Variants in SND1 observed in about 807,000 individuals in gnomAD.
SND1 encodes the protein staphylococcal nuclease domain-containing protein 1.
A neutral mutation model predicts 121.7 loss-of-function variants in SND1; 38 were observed. The ratio of observed to expected loss-of-function variants is 0.31; its 90% CI spans 0.24 to 0.41. SND1 has a LOEUF of 0.41. Among genes scored for constraint, SND1 ranks in the 10% least tolerant of loss-of-function variants. The pLI is 1.00. For synonymous variants in SND1, 401 were observed against 447.4 expected, an observed-to-expected ratio of 0.90 and a Z score of 1.31; for missense variants, 868 against 1,184.6, an observed-to-expected ratio of 0.73 and a Z score of 3.92.
At chr7:127,987,653 C>G (rs563619833) in intron 15 of SND1, among the ~76,000 whole-genome samples, 1 of 152,186 alleles carries the variant, frequency 6.6e-6, no homozygotes, top group Non-Finnish European at 1.5e-5. Flanking sequence ...AGGACCTGCC[C>G]CGTCCTTCCA....
At chr7:127,774,111 A>T (rs569432187) in intron 10 of SND1, among the ~76,000 whole-genome samples, 82 of 152,310 alleles carry the variant, frequency 5.4e-4, no homozygotes, top group African/African-American at 1.9e-3. Context: ...AAACAGCCTC[A>T]GGCAGTAGGT....
In SND1 at chr7:127,883,237, G is replaced by A. The variant is rs549354653; in HGVS notation, c.1344-4665G>A. ...GCCACTATAAGATAGTAGTGAAACC[G>A]TGGGGTCCAATATTATGCCAACATG... is the stretch of plus-strand genomic sequence containing the variant. On this transcript the variant is annotated intron_variant, in intron 12 of 23. Coordinates refer to ENST00000354725, the MANE Select transcript of SND1 (RefSeq NM_014390.4). Among the ~76,000 whole-genome samples the A allele has an allele frequency of 2.6e-5, 4 of 152,214 alleles. No individual in the cohort carries two copies. In the South Asian group the frequency reaches 6.2e-4, roughly 24 times the overall value.
At chr7:127,964,567 G>A (rs1192208807) in intron 15 of SND1, among the ~76,000 whole-genome samples, 3 of 151,804 alleles carry the variant, frequency 2.0e-5, no homozygotes, top group East Asian at 1.9e-4. Context: ...ATAGTTGTAG[G>A]TAAGCGGCGT....
chr7:127,678,275 C>T (rs1456811603), intron 1 of SND1, among the ~76,000 whole-genome samples: 1 of 152,180 alleles, frequency 6.6e-6, no homozygotes, highest in Non-Finnish European at 1.5e-5. Flanking sequence ...TCAGATTTCT[C>T]AGCTGTAAAA....
At chr7:127,852,521 A>C (rs866269800) in intron 12 of SND1, among the ~76,000 whole-genome samples, 2 of 151,336 alleles carry the variant, frequency 1.3e-5, no homozygotes, top group Non-Finnish European at 2.9e-5. Context: ...AAAAGGGAGA[A>C]AAAGAAAGCT....
chr7:127,846,909 G>C (rs1799074453), intron 12 of SND1, among the ~76,000 whole-genome samples: 1 of 151,932 alleles, frequency 6.6e-6, no homozygotes, highest in African/African-American at 2.4e-5. Flanking sequence ...CACTGCTTCT[G>C]TTTGTTTTCC....
At chr7:127,715,345 T>A (rs368186199) in intron 9 of SND1, among the ~76,000 whole-genome samples, 15 of 152,318 alleles carry the variant, frequency 9.8e-5, no homozygotes, top group African/African-American at 3.6e-4. Context: ...TCAACTTTTC[T>A]TTTAGATTCG....
chr7:127,938,457 G>A (rs1267790239), intron 15 of SND1, among the ~76,000 whole-genome samples: 1 of 152,142 alleles, frequency 6.6e-6, no homozygotes, highest in Non-Finnish European at 1.5e-5. Context: ...AAAAGCATAG[G>A]CCACCTAGTA....
In SND1 at chr7:128,086,976, A is replaced by ACCTGCCTTCAGC; in HGVS notation, c.2344_2355dup (p.Pro782_Ser785dup). ...CATCCACCCGCCTGGGTACCCTATC[A>ACCTGCCTTCAGC]CCTGCCTTCAGCACTCGGGTGCTGC... On this transcript the variant is annotated inframe_insertion, in exon 21 of 24. Coordinates refer to ENST00000354725, the MANE Select transcript of SND1 (RefSeq NM_014390.4). 1 of 1,614,070 alleles carries ACCTGCCTTCAGC rather than the reference A, an allele frequency of 6.2e-7. No homozygotes were observed. Among genetic ancestry groups the ACCTGCCTTCAGC allele is most frequent in the Non-Finnish European group, 8.5e-7 (1 of 1,180,026 alleles).
At chr7:127,957,360 A>G (rs1428155590) in intron 15 of SND1, among the ~76,000 whole-genome samples, 3 of 152,220 alleles carry the variant, frequency 2.0e-5, no homozygotes, top group African/African-American at 7.2e-5. Flanking sequence ...CGCTATAGCC[A>G]GTTAGATGGC....
rs1333590971 is a variant in SND1 at position 128,052,941 on chromosome 7, C to T, written c.1780-21561C>T. Reference sequence around the variant, plus strand: ...GTATGGATAGTGCAAGTCTAGAACACACAAGAATTGGCATATGATTATCTT... The same window carrying T: ...GTATGGATAGTGCAAGTCTAGAACATACAAGAATTGGCATATGATTATCTT... On this transcript the variant is annotated intron_variant, in intron 16 of 23. Transcript: ENST00000354725. The surrounding 1 kb of genome is among the most constrained non-coding windows in gnomAD (Gnocchi z 4.6). Among the ~76,000 whole-genome samples the T allele has an allele frequency of 1.3e-5, 2 of 152,200 alleles. No homozygotes were observed. The highest frequency in any genetic ancestry group is 4.8e-5 in the African/African-American group (2 of 41,450).
chr7:128,066,513 C>G (rs1793317154), intron 16 of SND1, among the ~76,000 whole-genome samples: 1 of 152,228 alleles, frequency 6.6e-6, no homozygotes, highest in Non-Finnish European at 1.5e-5. Flanking sequence ...AAAATCCGTG[C>G]TGCTGCCTGC....
At position 128,086,217 on chromosome 7, in the gene SND1, G is replaced by A. The variant is rs117206568; in HGVS notation, c.2304+437G>A. Among the ~76,000 whole-genome samples the A allele has an allele frequency of 5.4e-3, 823 of 152,316 alleles. 4 individuals carry two copies. The highest frequency in any genetic ancestry group is 0.017 in the Middle Eastern group (5 of 294). On this transcript the variant is annotated intron_variant, in intron 20 of 23. Transcript: ENST00000354725. ...AGTCACAAGGTGACAGTGACTGACTGGCACCCTTGGGAGAAAAATTTCTCC... is the reference window on the plus strand; with the variant it reads ...AGTCACAAGGTGACAGTGACTGACTAGCACCCTTGGGAGAAAAATTTCTCC...
intron 11 of SND1, among the ~76,000 whole-genome samples, chr7:127,821,849 A>G (rs1440598093): frequency 2.0e-5 from 3 of 152,202 alleles, no homozygotes; most frequent in Admixed American, 6.5e-5. Flanking sequence ...CGAAACAGAC[A>G]TTTTGACGTC....
At chr7:127,838,548 A>G (rs531763762) in intron 11 of SND1, among the ~76,000 whole-genome samples, 7 of 152,334 alleles carry the variant, frequency 4.6e-5, no homozygotes, top group East Asian at 3.9e-4. Flanking sequence ...CTGTGCTTCA[A>G]TTGTCTTTGG....
intron 23 of SND1, 28 bp downstream of exon 23, chr7:128,091,909 A>G: frequency 1.2e-6 from 2 of 1,614,046 alleles, no homozygotes; most frequent in Non-Finnish European, 1.7e-6. Flanking sequence ...GAGCCCCCAG[A>G]GGGTACCGAG....
intron 16 of SND1, chr7:128,031,508 C>T (rs2116989284): frequency 6.6e-6 from 1 of 151,678 alleles, no homozygotes; most frequent in East Asian, 1.9e-4. Context: ...GACACACACC[C>T]CCTTTCTCCT....
chr7:127,796,188 A>G (rs1467320516), intron 10 of SND1, among the ~76,000 whole-genome samples: 1 of 151,964 alleles, frequency 6.6e-6, no homozygotes, highest in Admixed American at 6.6e-5. Context: ...ATATTTAGTA[A>G]TAGTAGCCAG....
rs1432950074 is a variant in SND1, at chr7:127,953,194, GTGTGTGTGTGTGTGTGTGTGTGTGTGTA to G, written c.1669+23869_1669+23896del. Among the ~76,000 whole-genome samples the G allele has an allele frequency of 1.9e-3, 235 of 126,292 alleles. 5 individuals are homozygous for G. The highest frequency in any genetic ancestry group is 4.0e-3 in the Middle Eastern group (1 of 250). The allele number at this position is 126,292 out of a possible 152,430, so 82.9% of individuals were successfully genotyped here. A position where few individuals can be genotyped will look rare whatever the true frequency, so the allele number is the denominator to read the frequency against. On this transcript the variant is annotated intron_variant, in intron 15 of 23. Coordinates refer to ENST00000354725, the MANE Select transcript of SND1 (RefSeq NM_014390.4). ...TGTGTGTGTGTGTGTGTGTGTGTGTGTGTGTGTGTGTGTGTGTGTGTGTGTGTATGTATGAAAAGAAGAAAGCATCTGT... is the reference window on the plus strand; with the variant it reads ...TGTGTGTGTGTGTGTGTGTGTGTGTGTGTATGAAAAGAAGAAAGCATCTGT...
Sources: gnomAD v4.1 joint callset for allele counts (sites outside exome capture counted in the v4.1 genomes callset) on GRCh38, gnomAD v4.1.1 for gene constraint, Gnocchi (gnomAD v3.1) non-coding constraint, MANE v1.5 for transcripts, NCBI Gene and HGNC (gene_info 2026-07-23, HGNC 2026-07-21) for gene names.